Variants in GTF2I observed in about 807,000 individuals in gnomAD.
The protein encoded by GTF2I is general transcription factor IIi.
A neutral mutation model predicts 67.6 loss-of-function variants in GTF2I; 12 were observed. That is an observed-to-expected ratio of 0.18 (90% CI 0.11 to 0.29). The LOEUF (loss-of-function observed/expected upper bound fraction) is 0.29. GTF2I is among the 10% of genes least tolerant of loss of function. GTF2I has a pLI of 1.00. For synonymous variants in GTF2I, 149 were observed against 197.0 expected, an observed-to-expected ratio of 0.76 and a Z score of 2.04; for missense variants, 271 against 580.1, an observed-to-expected ratio of 0.47 and a Z score of 5.47.
chr7:74,725,633 G>A (rs1793668377), intron 12 of GTF2I, among the ~76,000 whole-genome samples: 1 of 152,080 alleles, frequency 6.6e-6, no homozygotes, highest in Admixed American at 6.5e-5. Flanking sequence ...AGTCGAGGCT[G>A]CAGTGAGTGG....
At chr7:74,697,021 TAAA>T (rs1355848102) in intron 3 of GTF2I, among the ~76,000 whole-genome samples, 1 of 148,880 alleles carries the variant, frequency 6.7e-6, no homozygotes, top group East Asian at 1.9e-4. Context: ...TAAAGAAAAA[TAAA>T]GAAAAACAAG....
intron 11 of GTF2I, among the ~76,000 whole-genome samples, chr7:74,717,842 G>A (rs1182501586): frequency 6.6e-6 from 1 of 152,094 alleles, no homozygotes; most frequent in Non-Finnish European, 1.5e-5. Context: ...ATAGAATTAG[G>A]GTTTCTCCCT....
intron 1 of GTF2I, among the ~76,000 whole-genome samples, chr7:74,664,240 A>G (rs1258184089): frequency 6.6e-6 from 1 of 152,022 alleles, no homozygotes; most frequent in Non-Finnish European, 1.5e-5. Flanking sequence ...TTTGTTCTGG[A>G]ACTCTCCCTG....
At chr7:74,716,706 T>C (rs1792304383) in intron 10 of GTF2I, 188 bp from the exon 11 acceptor site, 1 of 496,144 alleles carries the variant, frequency 2.0e-6, no homozygotes, top group Non-Finnish European at 3.6e-6. Context: ...TTTTTTAGCT[T>C]CCAAATAGAA....
chr7:74,706,461 G>A (rs782661197), intron 8 of GTF2I, 28 bp downstream of exon 8: 1 of 1,539,550 alleles, frequency 6.5e-7, no homozygotes, highest in Non-Finnish European at 9.0e-7. Context: ...TAGAATCAAT[G>A]GTGAAATTAA....
chr7:74,721,020 T>G (rs1792916987), intron 12 of GTF2I, among the ~76,000 whole-genome samples: 1 of 152,090 alleles, frequency 6.6e-6, no homozygotes, highest in Non-Finnish European at 1.5e-5. Flanking sequence ...ATCTCTTTTC[T>G]TTTCATTTAT....
intron 5 of GTF2I, 71 bp downstream of exon 5, chr7:74,700,501 A>G: frequency 1.3e-6 from 2 of 1,598,022 alleles, no homozygotes; most frequent in Non-Finnish European, 1.7e-6. Context: ...GCTTACGTTA[A>G]TGTATTTTTA....
In GTF2I at chr7:74,681,757, C is replaced by T. The variant is rs935941747; in HGVS notation, c.-5-7367C>T. Among the ~76,000 whole-genome samples the T allele has an allele frequency of 2.6e-5, 4 of 152,088 alleles. No individual in the cohort carries two copies. The South Asian group carries it at 8.3e-4, about 31-fold the overall frequency. ...CAAAATCCTGTCTCTACTAAAAATA[C>T]AAAAATTAGTCAGACGTGGTGGTGC... On this transcript the variant is annotated intron_variant, in intron 1 of 34. Coordinates refer to ENST00000573035, the MANE Select transcript of GTF2I (RefSeq NM_032999.4).
At chr7:74,710,720 A>C (rs1396743386) in intron 8 of GTF2I, among the ~76,000 whole-genome samples, 2 of 152,326 alleles carry the variant, frequency 1.3e-5, no homozygotes, top group East Asian at 1.9e-4. Context: ...GGTTTATAAA[A>C]GTATTTTTAA....
At chr7:74,719,711 G>A (rs1792693128) in intron 12 of GTF2I, among the ~76,000 whole-genome samples, 1 of 152,086 alleles carries the variant, frequency 6.6e-6, no homozygotes, top group Non-Finnish European at 1.5e-5. Flanking sequence ...CCTGAGGTCG[G>A]GAGCTCAAGA....
At chr7:74,685,825 G>C (rs953316677) in intron 1 of GTF2I, among the ~76,000 whole-genome samples, 1 of 151,820 alleles carries the variant, frequency 6.6e-6, no homozygotes, top group African/African-American at 2.4e-5. Context: ...CGGCCGAGGC[G>C]GGCGGATCAT....
At chr7:74,698,389 CTTTT>C (rs67968753) in intron 3 of GTF2I, among the ~76,000 whole-genome samples, 27 of 55,908 alleles carry the variant, frequency 4.8e-4, no homozygotes, top group Admixed American at 2.0e-3. Context: ...CGCACCTGGC[CTTTT>C]TTTTTTTTTT....
intron 28 of GTF2I, 137 bp downstream of exon 28, chr7:74,752,307 C>T (rs1795844033): frequency 2.0e-6 from 1 of 503,688 alleles, no homozygotes; most frequent in African/African-American, 1.9e-5. Context: ...TCCCAGACTC[C>T]TACAGCAGTT....
chr7:74,726,997 G>C (rs942778835), intron 12 of GTF2I: 1 of 152,124 alleles, frequency 6.6e-6, no homozygotes. Context: ...TTTTTTCCTA[G>C]ATTTGAACAT....
chr7:74,696,380 G>A (rs1788905836), intron 3 of GTF2I, among the ~76,000 whole-genome samples: 1 of 151,814 alleles, frequency 6.6e-6, no homozygotes, highest in South Asian at 2.1e-4. Context: ...CCCATGGAGT[G>A]CAGTGGTGCG....
At chr7:74,722,789 CTG>C (rs1793198169) in intron 12 of GTF2I, 1 of 152,100 alleles carries the variant, frequency 6.6e-6, no homozygotes, top group African/African-American at 2.4e-5. Context: ...TTTAGGATCT[CTG>C]TAATTGAGGA....
At chr7:74,724,686 C>T (rs922875719) in intron 12 of GTF2I, among the ~76,000 whole-genome samples, 6 of 151,970 alleles carry the variant, frequency 3.9e-5, no homozygotes, top group African/African-American at 7.3e-5. Context: ...TTTGGAAGAC[C>T]GAGGTGGGTG....
intron 8 of GTF2I, 28 bp from the exon 9 acceptor site, chr7:74,711,004 A>C: frequency 2.5e-6 from 3 of 1,204,522 alleles, no homozygotes; most frequent in Non-Finnish European, 2.4e-6. Flanking sequence ...TCTCACATGC[A>C]ATCATATCAT....
intron 1 of GTF2I, among the ~76,000 whole-genome samples, chr7:74,677,878 G>A (rs1378133692): frequency 6.6e-6 from 1 of 151,074 alleles, no homozygotes; most frequent in Non-Finnish European, 1.5e-5. Context: ...CAGCTGGAAA[G>A]CTGGAAGACA....
Sources: gnomAD v4.1 joint callset for allele counts (sites outside exome capture counted in the v4.1 genomes callset) on GRCh38, gnomAD v4.1.1 for gene constraint, MANE v1.5 for transcripts, NCBI Gene and HGNC (gene_info 2026-07-23, HGNC 2026-07-21) for gene names.